Variants in DNER observed in about 807,000 individuals in gnomAD.
The protein encoded by DNER is delta/notch like EGF repeat containing.
Under a neutral mutation model 78.2 loss-of-function variants are expected in DNER, and 33 were observed. The observed-to-expected ratio is 0.42, with a 90% CI of 0.32 to 0.56. The LOEUF (loss-of-function observed/expected upper bound fraction) is 0.56. Among genes scored for constraint, DNER ranks in the 20% least tolerant of loss-of-function variants. The pLI is 0.11. For missense variants in DNER, 918 were observed against 975.3 expected (o/e 0.94, Z 0.78); for synonymous variants, 417 against 384.8 (o/e 1.08, Z -0.98).
intron 1 of DNER, among the ~76,000 whole-genome samples, chr2:229,708,676 C>G (rs1699865208): frequency 6.6e-6 from 1 of 152,176 alleles, no homozygotes; most frequent in African/African-American, 2.4e-5. Context: ...TGATGCTTAT[C>G]AAATGAGAGC....
At chr2:229,413,205 C>T (rs1472941014) in intron 9 of DNER, among the ~76,000 whole-genome samples, 1 of 151,654 alleles carries the variant, frequency 6.6e-6, no homozygotes, top group Non-Finnish European at 1.5e-5. Flanking sequence ...TTTTGGTTAT[C>T]TGTCCATTCT....
intron 12 of DNER, among the ~76,000 whole-genome samples, chr2:229,362,475 CA>C (rs1327452724): frequency 9.9e-5 from 15 of 152,228 alleles, no homozygotes; most frequent in Admixed American, 8.5e-4. Context: ...GCATCACCTT[CA>C]AATCAGCACA....
chr2:229,461,463 A>T (rs1271955465), intron 7 of DNER, among the ~76,000 whole-genome samples: 1 of 151,996 alleles, frequency 6.6e-6, no homozygotes, highest in Non-Finnish European at 1.5e-5. Context: ...TTATGGTGGC[A>T]AAGGGTAGAG....
chr2:229,559,630 A>C (rs1357028621), intron 4 of DNER, among the ~76,000 whole-genome samples: 2 of 152,088 alleles, frequency 1.3e-5, no homozygotes, highest in Non-Finnish European at 2.9e-5. Context: ...AAAAAGACAG[A>C]AGAAAGGGAA....
At chr2:229,465,887 C>G (rs546898802) in intron 7 of DNER, among the ~76,000 whole-genome samples, 18 of 152,124 alleles carry the variant, frequency 1.2e-4, no homozygotes, top group Non-Finnish European at 2.6e-4. Context: ...ATAGCACCCC[C>G]GTATATCAAG....
At chr2:229,607,483 C>T (rs140048007) in intron 1 of DNER, among the ~76,000 whole-genome samples, 104 of 152,236 alleles carry the variant, frequency 6.8e-4, no homozygotes, top group African/African-American at 2.4e-3. Flanking sequence ...AGTACAATTC[C>T]AATCAAAATC....
Position 229,550,180 on chromosome 2 carries a change from A to AT in DNER, c.848-3089_848-3088insA, listed in dbSNP as rs1382088441. Among the ~76,000 whole-genome samples the AT allele has an allele frequency of 2.4e-3, 359 of 151,424 alleles. 1 individual carries two copies. The highest frequency in any genetic ancestry group is 8.3e-3 in the African/African-American group (343 of 41,172). On this transcript the variant is annotated intron_variant, in intron 4 of 12. Transcript: ENST00000341772. ...GCTAATTTTTGTGGTTTTAGTAGAG[A>AT]CGGGATTTCACCATGTTGGCCAGGC...
At chr2:229,658,933 A>T (rs1698958879) in intron 1 of DNER, among the ~76,000 whole-genome samples, 1 of 152,218 alleles carries the variant, frequency 6.6e-6, no homozygotes, top group African/African-American at 2.4e-5. Flanking sequence ...AGGTTACAAA[A>T]TTAGCCAGGT....
rs5839343 is a variant in DNER at position 229,624,496 on chromosome 2, T to TAA, written c.277-32610_277-32609dup. 4.5e-4 allele frequency among the ~76,000 whole-genome samples: 68 copies of TAA among 151,158 alleles called. 1 individual carries two copies. The highest frequency in any genetic ancestry group is 6.6e-4 in the Non-Finnish European group (45 of 67,786). On this transcript the variant is annotated intron_variant, in intron 1 of 12. Coordinates refer to ENST00000341772, the MANE Select transcript of DNER (RefSeq NM_139072.4). The stretch of plus-strand genomic sequence containing the variant: ...GAGTCTCTGGAACAATATAATAAAC[T>TAA]AAAAAAAAAATAGTTAAATAATGGC...
chr2:229,604,938 A>G (rs1697905656), intron 1 of DNER, among the ~76,000 whole-genome samples: 1 of 152,178 alleles, frequency 6.6e-6, no homozygotes, highest in African/African-American at 2.4e-5. Flanking sequence ...CAATTGTTTT[A>G]AAATCAACAA....
At chr2:229,588,315 C>T (rs1367741879) in intron 3 of DNER, 79 bp downstream of exon 3, 3 of 1,328,724 alleles carry the variant, frequency 2.3e-6, no homozygotes, top group Admixed American at 1.8e-5. Flanking sequence ...CACTTACACA[C>T]CAGGTCCGCG....
intron 1 of DNER, among the ~76,000 whole-genome samples, chr2:229,625,964 G>A (rs1298360727): frequency 6.6e-6 from 1 of 151,600 alleles, no homozygotes; most frequent in Non-Finnish European, 1.5e-5. Flanking sequence ...CTTTTGCCCA[G>A]GCCGGACTGC....
chr2:229,649,182 C>A (rs541399341), intron 1 of DNER, among the ~76,000 whole-genome samples: 194 of 152,326 alleles, frequency 1.3e-3, no homozygotes, highest in Non-Finnish European at 2.2e-3. Flanking sequence ...CACCATCATT[C>A]AGGATTTATT....
intron 1 of DNER, among the ~76,000 whole-genome samples, chr2:229,618,799 C>T (rs72991627): frequency 0.022 from 3,346 of 152,162 alleles, 50 homozygotes; most frequent in Middle Eastern, 0.034. Flanking sequence ...TAAATTTCCT[C>T]GCTTTTATTT....
intron 1 of DNER, among the ~76,000 whole-genome samples, chr2:229,613,593 G>A (rs1698089913): frequency 6.6e-6 from 1 of 151,480 alleles, no homozygotes; most frequent in African/African-American, 2.4e-5. Flanking sequence ...GCGCAGGGAA[G>A]AGTCAATGCC....
At chr2:229,642,407 A>G (rs1272362268) in intron 1 of DNER, among the ~76,000 whole-genome samples, 1 of 152,254 alleles carries the variant, frequency 6.6e-6, no homozygotes, top group East Asian at 1.9e-4. Context: ...CTGCAGTGAC[A>G]GACGCCCGCT....
At chr2:229,538,543 G>GTT (rs372352192) in intron 5 of DNER, among the ~76,000 whole-genome samples, 3,687 of 150,294 alleles carry the variant, frequency 0.025, 161 homozygotes, top group African/African-American at 0.085. Flanking sequence ...TTTGTTTTTT[G>GTT]TTTTTTTTTA....
chr2:229,497,736 A>C (rs1171305392), intron 6 of DNER, among the ~76,000 whole-genome samples: 1 of 152,156 alleles, frequency 6.6e-6, no homozygotes, highest in African/African-American at 2.4e-5. Flanking sequence ...ATTTCTAGAA[A>C]CATACAATCT....
chr2:229,629,354 A>G (rs148194815), intron 1 of DNER, among the ~76,000 whole-genome samples: 80 of 152,362 alleles, frequency 5.3e-4, no homozygotes, highest in African/African-American at 1.8e-3. Flanking sequence ...AAACTCTTAC[A>G]TATGATTAGA....
Sources: allele counts gnomAD v4.1 joint callset (sites outside exome capture counted in the v4.1 genomes callset), GRCh38; gene constraint gnomAD v4.1.1; transcripts MANE v1.5; gene names NCBI Gene and HGNC (gene_info 2026-07-23, HGNC 2026-07-21).